The following IGSF21 variants were observed in gnomAD, a reference collection of about 807,000 sequenced individuals.
IGSF21 encodes the protein immunoglobulin superfamily member 21.
Under a neutral mutation model 46.8 loss-of-function variants are expected in IGSF21, and 28 were observed. The observed-to-expected ratio is 0.60, with a 90% CI of 0.44 to 0.82. The LOEUF (loss-of-function observed/expected upper bound fraction) is 0.82. Among genes scored for constraint, IGSF21 ranks in the 40% least tolerant of loss-of-function variants. The pLI is 0.00. For missense variants in IGSF21, 624 were observed against 665.5 expected (o/e 0.94, Z 0.69); for synonymous variants, 284 against 273.6 (o/e 1.04, Z -0.38).
intron 1 of IGSF21, among the ~76,000 whole-genome samples, chr1:18,145,246 G>A (rs536240073): frequency 1.1e-3 from 160 of 152,028 alleles, no homozygotes; most frequent in African/African-American, 3.7e-3. Flanking sequence ...GTGGCTAGAT[G>A]GCTCCTCCCC....
At chr1:18,373,832 A>G (rs2086253025) in intron 6 of IGSF21, among the ~76,000 whole-genome samples, 1 of 152,186 alleles carries the variant, frequency 6.6e-6, no homozygotes, top group Non-Finnish European at 1.5e-5. Context: ...TTTCGTGATA[A>G]CCTGCCTCGT....
intron 1 of IGSF21, among the ~76,000 whole-genome samples, chr1:18,154,146 C>A (rs1031980875): frequency 6.6e-6 from 1 of 152,154 alleles, no homozygotes; most frequent in Non-Finnish European, 1.5e-5. Flanking sequence ...CTCGCTTCAC[C>A]CCAGTCCCCA....
rs1370339242 is a variant in IGSF21, at chr1:18,290,727, G to T, written c.184-1139G>T. 1.3e-5 allele frequency among the ~76,000 whole-genome samples: 2 copies of T among 152,134 alleles called. No homozygotes were observed. The highest frequency in any genetic ancestry group is 2.9e-5 in the Non-Finnish European group (2 of 68,028). ...GCCAGTACTCCCAGGCAGGTGACAGGGGGACAGATTCACACTCCAATCCTC... is the reference window on the plus strand; with the variant it reads ...GCCAGTACTCCCAGGCAGGTGACAGTGGGACAGATTCACACTCCAATCCTC... On this transcript the variant is annotated intron_variant, in intron 2 of 9. Transcript: ENST00000251296. The surrounding 1 kb of genome is among the most constrained non-coding windows in gnomAD (Gnocchi z 4.2).
intron 1 of IGSF21, among the ~76,000 whole-genome samples, chr1:18,217,077 A>G (rs953247054): frequency 6.6e-6 from 1 of 152,126 alleles, no homozygotes; most frequent in African/African-American, 2.4e-5. Context: ...GTCATGGTCC[A>G]TCCCAGCAAG....
At chr1:18,120,778 A>C (rs2086228058) in intron 1 of IGSF21, among the ~76,000 whole-genome samples, 1 of 152,124 alleles carries the variant, frequency 6.6e-6, no homozygotes, top group African/African-American at 2.4e-5. Context: ...GTGAATTTGA[A>C]GGGGCAGACA....
intron 1 of IGSF21, among the ~76,000 whole-genome samples, chr1:18,127,286 A>T (rs944317702): frequency 2.0e-5 from 3 of 152,130 alleles, no homozygotes; most frequent in Non-Finnish European, 4.4e-5. Flanking sequence ...GAGCTATGTG[A>T]GGGGAGTACA....
At chr1:18,237,640 C>T (rs763314015) in intron 2 of IGSF21, among the ~76,000 whole-genome samples, 1 of 152,212 alleles carries the variant, frequency 6.6e-6, no homozygotes, top group Non-Finnish European at 1.5e-5. Context: ...ATTAAGAGAT[C>T]ACCTGCTGTG....
rs375294798 is a variant in IGSF21 at position 18,223,130 on chromosome 1, C to T, written c.71-4768C>T. Among the ~76,000 whole-genome samples the T allele has an allele frequency of 1.9e-3, 292 of 152,362 alleles. 11 individuals are homozygous for T. The South Asian group carries it at 0.053, about 28-fold the overall frequency. ...ACAGCTCATTGCCAGGCTCTGACCTCAAGCCCTGAGGCAGTAGGGTCTCCC... is the reference window on the plus strand; with the variant it reads ...ACAGCTCATTGCCAGGCTCTGACCTTAAGCCCTGAGGCAGTAGGGTCTCCC... On this transcript the variant is annotated intron_variant, in intron 1 of 9. Coordinates refer to ENST00000251296, the MANE Select transcript of IGSF21 (RefSeq NM_032880.5).
intron 1 of IGSF21, among the ~76,000 whole-genome samples, chr1:18,180,987 C>T (rs952389535): frequency 2.0e-5 from 3 of 152,160 alleles, no homozygotes; most frequent in African/African-American, 7.2e-5. Flanking sequence ...TTCCCCTGGG[C>T]CTCAGTCTCC....
At position 18,292,006 on chromosome 1, in the gene IGSF21, C is replaced by T. The variant is rs543158405; in HGVS notation, c.305+19C>T. The T allele has an allele frequency of 3.2e-5, 45 of 1,395,962 alleles. 2 individuals carry two copies. The South Asian group carries it at 3.6e-4, about 11-fold the overall frequency. 86.5% of individuals were successfully genotyped at this position (1,395,962 alleles called of 1,614,324 possible). A position where few individuals can be genotyped will look rare whatever the true frequency, so the allele number is the denominator to read the frequency against. ...CTGTGAGGTGAGTGCCTGGGGGTGG[C>T]GGGCCGACAGCGGGGGAAGGGCGGA... is the stretch of plus-strand genomic sequence containing the variant. On this transcript the variant is annotated intron_variant, in intron 3 of 9. Coordinates refer to ENST00000251296, the MANE Select transcript of IGSF21 (RefSeq NM_032880.5).
At position 18,334,460 on chromosome 1, in the gene IGSF21, A is replaced by G. The variant is rs1407190563; in HGVS notation, c.306-432A>G. 6.6e-6 allele frequency among the ~76,000 whole-genome samples: 1 copy of G among 152,174 alleles called. No homozygotes were observed. Among genetic ancestry groups the G allele is most frequent in the East Asian group, 1.9e-4 (1 of 5,196 alleles). ...GTTTCCTTGTTTATGAAATGGGAAT[A>G]TGGACCCTATGTGGAGGCCGTCATG... On this transcript the variant is annotated intron_variant, in intron 3 of 9. Coordinates refer to ENST00000251296, the MANE Select transcript of IGSF21 (RefSeq NM_032880.5). This position sits in a 1 kb window ranked among gnomAD's most constrained non-coding sequence, Gnocchi z 4.3.
At chr1:18,320,138 G>A (rs1309602322) in intron 3 of IGSF21, among the ~76,000 whole-genome samples, 3 of 152,174 alleles carry the variant, frequency 2.0e-5, no homozygotes, top group Admixed American at 2.0e-4. Flanking sequence ...CCATGGCACT[G>A]AGCCCAGAGC....
At chr1:18,257,084 G>A (rs553755534) in intron 2 of IGSF21, among the ~76,000 whole-genome samples, 161 of 152,272 alleles carry the variant, frequency 1.1e-3, no homozygotes, top group African/African-American at 3.6e-3. Context: ...TTCCCTCTCA[G>A]AGTTGCTAGG....
At chr1:18,326,569 A>T (rs985167794) in intron 3 of IGSF21, among the ~76,000 whole-genome samples, 1 of 152,242 alleles carries the variant, frequency 6.6e-6, no homozygotes, top group African/African-American at 2.4e-5. Flanking sequence ...CTTCTCTGTT[A>T]GCCCAGAATG....
At chr1:18,259,956 C>T (rs1221887486) in intron 2 of IGSF21, among the ~76,000 whole-genome samples, 1 of 152,230 alleles carries the variant, frequency 6.6e-6, no homozygotes, top group East Asian at 1.9e-4. Context: ...AGCTCTGTAA[C>T]TTGCTAGATG....
At chr1:18,341,045 C>CTTCTTCTTCTTCTTCTTCT (rs55780171) in intron 4 of IGSF21, among the ~76,000 whole-genome samples, 1,493 of 77,944 alleles carry the variant, frequency 0.019, 23 homozygotes, top group East Asian at 0.036. Flanking sequence ...CTTCTTCTTC[C>CTTCTTCTTCTTCTTCTTCT]TCTTCCTCTT....
At chr1:18,344,527 T>A (rs2085873659) in intron 4 of IGSF21, among the ~76,000 whole-genome samples, 1 of 152,012 alleles carries the variant, frequency 6.6e-6, no homozygotes. Flanking sequence ...GTAACACCAC[T>A]CTGCTTCTCT....
At chr1:18,352,145 C>G (rs2085964429) in intron 4 of IGSF21, among the ~76,000 whole-genome samples, 1 of 152,164 alleles carries the variant, frequency 6.6e-6, no homozygotes. Flanking sequence ...TCCTGTGCCC[C>G]TCTGCTGAGG....
At chr1:18,359,133 G>T (rs947244400) in intron 4 of IGSF21, among the ~76,000 whole-genome samples, 1 of 151,548 alleles carries the variant, frequency 6.6e-6, no homozygotes, top group African/African-American at 2.4e-5. Context: ...AACAAAACAG[G>T]CGTGGTGGCA....
Sources: gnomAD v4.1 joint callset for allele counts (sites outside exome capture counted in the v4.1 genomes callset) on GRCh38, gnomAD v4.1.1 for gene constraint, Gnocchi (gnomAD v3.1) non-coding constraint, MANE v1.5 for transcripts, NCBI Gene and HGNC (gene_info 2026-07-23, HGNC 2026-07-21) for gene names.